FER: variants seen among roughly 807,000 people sequenced by gnomAD.
FER encodes the protein FER tyrosine kinase, also known as tyrosine-protein kinase Fer.
FER carries 63 observed loss-of-function variants against 111.0 expected under a neutral mutation model. That is an observed-to-expected ratio of 0.57 (90% CI 0.46 to 0.70). The LOEUF is 0.70. Among genes scored for constraint, FER ranks in the 30% least tolerant of loss-of-function variants. The probability of loss-of-function intolerance (pLI) is 0.00; values close to 1 mark genes in which losing one functional copy is unlikely to be tolerated. For synonymous variants in FER, 327 were observed against 313.9 expected (o/e 1.04, Z -0.44); for missense variants, 914 against 954.0 (o/e 0.96, Z 0.55).
Position 109,044,730 on chromosome 5 carries a change from T to G in FER, c.1764T>G (p.Val588=), listed in dbSNP as rs1771704061. ...GCACATTAAAGGATAAAACTTCTGT[T>G]GCTGTTAAAACATGTAAAGAAGATC... The part of the protein sequence containing the change: ...YKGTLKDKTS[V]AVKTCKEDLP... The change falls in exon 15 of 20, where the codon GTT becomes GTG. Residue 588 remains valine, a synonymous_variant. Transcript: ENST00000281092. The G allele has an allele frequency of 6.3e-7, 1 of 1,590,484 alleles. No individual in the cohort carries two copies. Among genetic ancestry groups the G allele is most frequent in the Non-Finnish European group, 8.5e-7 (1 of 1,171,214 alleles).
At chr5:108,791,300 C>G (rs1755339892) in intron 2 of FER, among the ~76,000 whole-genome samples, 1 of 102,208 alleles carries the variant, frequency 9.8e-6, no homozygotes, top group South Asian at 2.7e-4. Flanking sequence ...CAGTGCTAAA[C>G]TACATGTCTG....
At chr5:109,181,142 AAG>A (rs1758247495) in intron 18 of FER, among the ~76,000 whole-genome samples, 1 of 152,208 alleles carries the variant, frequency 6.6e-6, no homozygotes, top group Non-Finnish European at 1.5e-5. Flanking sequence ...ACATCTGAGA[AAG>A]AGTTTTTATA....
At chr5:109,124,592 TG>T (rs1374170283) in intron 17 of FER, among the ~76,000 whole-genome samples, 1,546 of 103,146 alleles carry the variant, frequency 0.015, 21 homozygotes, top group African/African-American at 0.051. Flanking sequence ...ATAGTTTTGT[TG>T]TTGTTGTTGT....
At chr5:108,825,802 T>G (rs1759405187) in intron 3 of FER, among the ~76,000 whole-genome samples, 1 of 152,234 alleles carries the variant, frequency 6.6e-6, no homozygotes, top group Non-Finnish European at 1.5e-5. Flanking sequence ...ATCTTCATAA[T>G]CCACGTTCTT....
chr5:108,985,226 A>G (rs1762431161), intron 13 of FER, among the ~76,000 whole-genome samples: 1 of 152,202 alleles, frequency 6.6e-6, no homozygotes, highest in African/African-American at 2.4e-5. Flanking sequence ...CAATGTAACC[A>G]TATGTACAAA....
Position 108,992,832 on chromosome 5 carries a change from G to A in FER, c.1656+33485G>A, listed in dbSNP as rs574458144. Among the ~76,000 whole-genome samples the A allele has an allele frequency of 3.2e-3, 481 of 149,710 alleles. 1 individual carries two copies. The highest frequency in any genetic ancestry group is 0.011 in the African/African-American group (466 of 40,640). ...TCCTCACTTCTCAGACAGGGCGGCCGGGCAGAGACACTCCTCACCTCCCAG... is the reference window on the plus strand; with the variant it reads ...TCCTCACTTCTCAGACAGGGCGGCCAGGCAGAGACACTCCTCACCTCCCAG... On this transcript the variant is annotated intron_variant, in intron 13 of 19. Transcript: ENST00000281092.
chr5:109,157,014 G>A (rs1367039516), intron 17 of FER, among the ~76,000 whole-genome samples: 1 of 152,054 alleles, frequency 6.6e-6, no homozygotes, highest in Non-Finnish European at 1.5e-5. Context: ...AGTAAATTAT[G>A]CTAAACTGAG....
chr5:109,110,378 G>A (rs1340923571), intron 17 of FER, among the ~76,000 whole-genome samples: 2 of 152,152 alleles, frequency 1.3e-5, no homozygotes, highest in African/African-American at 4.8e-5. Context: ...AGATAAAAGA[G>A]TGAGCCATGT....
At chr5:108,856,107 A>C (rs1762982046) in intron 5 of FER, among the ~76,000 whole-genome samples, 1 of 152,170 alleles carries the variant, frequency 6.6e-6, no homozygotes, top group Non-Finnish European at 1.5e-5. Context: ...CCCAATAAAT[A>C]GATTAGTCTT....
chr5:108,768,733 T>A (rs1752582470), intron 2 of FER, among the ~76,000 whole-genome samples: 1 of 152,194 alleles, frequency 6.6e-6, no homozygotes, highest in Non-Finnish European at 1.5e-5. Context: ...TAATGATGAA[T>A]ACACTGGATG....
chr5:109,167,210 C>G (rs1392422898), intron 17 of FER, among the ~76,000 whole-genome samples: 1 of 152,074 alleles, frequency 6.6e-6, no homozygotes. Flanking sequence ...CTGGTTGATA[C>G]GTACATACAT....
chr5:108,804,255 A>G (rs1756969990), intron 3 of FER, among the ~76,000 whole-genome samples: 1 of 152,148 alleles, frequency 6.6e-6, no homozygotes, highest in South Asian at 2.1e-4. Flanking sequence ...AGGGCTTTGT[A>G]GGTATAGATG....
At chr5:108,942,187 T>A (rs185239677) in intron 10 of FER, among the ~76,000 whole-genome samples, 158 of 152,248 alleles carry the variant, frequency 1.0e-3, no homozygotes, top group African/African-American at 3.7e-3. Flanking sequence ...GGGAGCTAAT[T>A]ATAGCCTTCT....
chr5:108,947,419 G>A (rs1757133283), intron 11 of FER, among the ~76,000 whole-genome samples: 1 of 152,002 alleles, frequency 6.6e-6, no homozygotes, highest in Admixed American at 6.6e-5. Flanking sequence ...GTATCTTACT[G>A]TAGTTTTAAT....
intron 17 of FER, among the ~76,000 whole-genome samples, chr5:109,124,670 CTG>C (rs906211290): frequency 6.6e-6 from 1 of 152,076 alleles, no homozygotes; most frequent in African/African-American, 2.4e-5. Flanking sequence ...GATCTCAAAA[CTG>C]TGACTCTGGG....
intron 16 of FER, among the ~76,000 whole-genome samples, chr5:109,058,009 A>G (rs1414258177): frequency 6.6e-6 from 1 of 152,202 alleles, no homozygotes; most frequent in East Asian, 1.9e-4. Context: ...TTAACAATAT[A>G]TAAGAATTCA....
rs542949439 is a variant in FER at position 109,025,830 on chromosome 5, AG to A, written c.1657-11589del. Among the ~76,000 whole-genome samples the A allele has an allele frequency of 4.4e-4, 67 of 152,236 alleles. 1 individual carries two copies. The highest frequency in any genetic ancestry group is 1.5e-3 in the African/African-American group (62 of 41,546). ...AATTTATTGAGAGTTTTTAGCATGA[AG>A]GGTTGTTGAATTTTGTCAAAGGCCT... On this transcript the variant is annotated intron_variant, in intron 13 of 19. Transcript: ENST00000281092.
chr5:109,096,922 G>A (rs950747222), intron 16 of FER, among the ~76,000 whole-genome samples: 2 of 149,100 alleles, frequency 1.3e-5, no homozygotes, highest in East Asian at 3.9e-4. Context: ...AACAATAATA[G>A]TAATAGTATA....
intron 17 of FER, among the ~76,000 whole-genome samples, chr5:109,143,453 C>G (rs1753737243): frequency 6.6e-6 from 1 of 152,018 alleles, no homozygotes; most frequent in South Asian, 2.1e-4. Flanking sequence ...TTTCACTCGA[C>G]CTGTTTTTCA....
Sources: allele counts gnomAD v4.1 joint callset (sites outside exome capture counted in the v4.1 genomes callset), GRCh38; gene constraint gnomAD v4.1.1; transcripts MANE v1.5; gene names NCBI Gene and HGNC (gene_info 2026-07-23, HGNC 2026-07-21).